TIAM1: variants seen among roughly 807,000 people sequenced by gnomAD.
The protein encoded by TIAM1 is rho guanine nucleotide exchange factor TIAM1.
Under a neutral mutation model 163.5 loss-of-function variants are expected in TIAM1, and 65 were observed. The observed-to-expected ratio is 0.40, with a 90% CI of 0.33 to 0.49. The LOEUF is 0.49. Ranked by LOEUF, TIAM1 falls within the 20% of genes least tolerant of loss-of-function variation. The probability of loss-of-function intolerance (pLI) is 0.77; values close to 1 mark genes in which losing one functional copy is unlikely to be tolerated. For missense variants in TIAM1, 1,789 were observed against 2,044.7 expected, an observed-to-expected ratio of 0.87 and a Z score of 2.41; for synonymous variants, 833 against 810.1, an observed-to-expected ratio of 1.03 and a Z score of -0.48.
chr21:31,472,702 A>G (rs2045788703), intron 1 of TIAM1, among the ~76,000 whole-genome samples: 2 of 152,180 alleles, frequency 1.3e-5, no homozygotes, highest in Admixed American at 1.3e-4. Flanking sequence ...CCTTGATCCT[A>G]AGATGGGTTC....
chr21:31,281,722 G>A lies in TIAM1; in HGVS notation c.-188-4814C>T, dbSNP rs563439171. Among the ~76,000 whole-genome samples the A allele has an allele frequency of 1.6e-4, 25 of 151,954 alleles. 2 individuals carry two copies. In the South Asian group the frequency reaches 4.2e-3, roughly 25 times the overall value. On this transcript the variant is annotated intron_variant, in intron 2 of 27. Transcript: ENST00000541036. ...TGGATGGATGGATAGATGGACAGAC[G>A]GTGATGGATAATAGATATATGGATG...
chr21:31,130,361 C>A (rs1256118650), intron 24 of TIAM1, 46 bp from the exon 25 acceptor site: 1 of 1,479,156 alleles, frequency 6.8e-7, no homozygotes, highest in African/African-American at 1.4e-5. Context: ...TCTAACCTGC[C>A]CCGGACCAGT....
At chr21:31,173,112 A>G (rs2084592908) in intron 15 of TIAM1, among the ~76,000 whole-genome samples, 1 of 152,144 alleles carries the variant, frequency 6.6e-6, no homozygotes, top group South Asian at 2.1e-4. Context: ...CAGATTACAC[A>G]CATCTACTTT....
intron 2 of TIAM1, among the ~76,000 whole-genome samples, chr21:31,455,169 C>G (rs756926140): frequency 6.7e-6 from 1 of 149,758 alleles, no homozygotes; most frequent in East Asian, 2.1e-4. Flanking sequence ...ATCCCAGATA[C>G]TTGGGTGGCT....
Position 31,282,152 on chromosome 21 carries a change from T to C in TIAM1, c.-188-5244A>G, listed in dbSNP as rs574139215. Among the ~76,000 whole-genome samples, 11 of 152,278 alleles carry C rather than the reference T, an allele frequency of 7.2e-5. 1 individual carries two copies. The South Asian group carries it at 2.1e-3, about 29-fold the overall frequency. On this transcript the variant is annotated intron_variant, in intron 2 of 27. Coordinates refer to ENST00000541036, the MANE Select transcript of TIAM1 (RefSeq NM_001353694.2). ...AACATGGCAGTTGTAAATTTCACAATGTCCAAATCGATGGCTCAAAGGAAG... is the reference window on the plus strand; with the variant it reads ...AACATGGCAGTTGTAAATTTCACAACGTCCAAATCGATGGCTCAAAGGAAG...
chr21:31,535,358 G>A (rs2048097153), intron 1 of TIAM1, among the ~76,000 whole-genome samples: 1 of 125,540 alleles, frequency 8.0e-6, no homozygotes, highest in South Asian at 2.7e-4. Context: ...TCCAGCCTGG[G>A]CGACAGAGGA....
chr21:31,455,656 T>C (rs1399229991), intron 2 of TIAM1, among the ~76,000 whole-genome samples: 3 of 152,162 alleles, frequency 2.0e-5, no homozygotes, highest in African/African-American at 7.2e-5. Flanking sequence ...GAGTTAATAG[T>C]AGAACAGCTC....
At chr21:31,165,199 C>T in intron 15 of TIAM1, 134 bp from the exon 16 acceptor site, 2 of 660,300 alleles carry the variant, frequency 3.0e-6, no homozygotes, top group Non-Finnish European at 5.2e-6. Context: ...GTACAAGCTC[C>T]ATCACCTGGG....
intron 2 of TIAM1, among the ~76,000 whole-genome samples, chr21:31,458,235 C>T (rs574287745): frequency 6.6e-6 from 1 of 152,196 alleles, no homozygotes; most frequent in Admixed American, 6.5e-5. Flanking sequence ...GCCTAGCCAA[C>T]ATAGTGAAAT....
At chr21:31,225,158 C>T (rs892139298) in intron 7 of TIAM1, among the ~76,000 whole-genome samples, 9 of 152,002 alleles carry the variant, frequency 5.9e-5, no homozygotes, top group Admixed American at 2.6e-4. Flanking sequence ...ACTACAGTTG[C>T]GGCTAATTTT....
At chr21:31,302,831 G>T (rs559475862) in intron 2 of TIAM1, among the ~76,000 whole-genome samples, 1 of 152,184 alleles carries the variant, frequency 6.6e-6, no homozygotes, top group East Asian at 1.9e-4. Context: ...ATATTTTCTG[G>T]AGCTATTTTC....
intron 1 of TIAM1, among the ~76,000 whole-genome samples, chr21:31,485,257 C>A (rs2046234498): frequency 3.3e-5 from 5 of 152,156 alleles, no homozygotes; most frequent in Admixed American, 3.3e-4. Flanking sequence ...ATGCCTCGCA[C>A]ACATTCCAAC....
chr21:31,174,916 G>A (rs1181323262), intron 15 of TIAM1, among the ~76,000 whole-genome samples: 1 of 152,190 alleles, frequency 6.6e-6, no homozygotes, highest in African/African-American at 2.4e-5. Context: ...AACGTGCTGG[G>A]ATTACAGGCG....
intron 1 of TIAM1, among the ~76,000 whole-genome samples, chr21:31,534,975 G>A (rs1440273473): frequency 6.6e-6 from 1 of 151,966 alleles, no homozygotes; most frequent in Non-Finnish European, 1.5e-5. Flanking sequence ...CACCAGCCCT[G>A]GCTACTTGGG....
intron 1 of TIAM1, among the ~76,000 whole-genome samples, chr21:31,465,585 T>C (rs1258667881): frequency 1.3e-5 from 2 of 151,760 alleles, no homozygotes; most frequent in African/African-American, 4.8e-5. Context: ...CTTTTTTTTT[T>C]TTTGAGACGG....
chr21:31,279,802 C>T (rs140007435), intron 2 of TIAM1, among the ~76,000 whole-genome samples: 2 of 152,128 alleles, frequency 1.3e-5, no homozygotes, highest in East Asian at 3.9e-4. Context: ...ATGTTTAAAC[C>T]ATAAAGAATG....
At chr21:31,445,580 C>T (rs1488496570) in intron 2 of TIAM1, among the ~76,000 whole-genome samples, 1 of 152,184 alleles carries the variant, frequency 6.6e-6, no homozygotes, top group Non-Finnish European at 1.5e-5. Context: ...AATTCTATCA[C>T]CCCAAATGCT....
intron 2 of TIAM1, among the ~76,000 whole-genome samples, chr21:31,445,930 T>A (rs1602297537): frequency 6.6e-6 from 1 of 152,084 alleles, no homozygotes; most frequent in East Asian, 1.9e-4. Context: ...TGTTTGTTTT[T>A]ATTTTTATTT....
chr21:31,322,517 GC>G (rs1158429720), intron 2 of TIAM1, among the ~76,000 whole-genome samples: 1 of 151,982 alleles, frequency 6.6e-6, no homozygotes, highest in Non-Finnish European at 1.5e-5. Context: ...ACAGCAACTT[GC>G]CCCCTGGGCA....
Sources: gnomAD v4.1 joint callset for allele counts (sites outside exome capture counted in the v4.1 genomes callset) on GRCh38, gnomAD v4.1.1 for gene constraint, MANE v1.5 for transcripts, NCBI Gene and HGNC (gene_info 2026-07-23, HGNC 2026-07-21) for gene names.